The following IFT172 variants were observed in gnomAD, a reference collection of about 807,000 sequenced individuals.
IFT172 encodes the protein intraflagellar transport protein 172 homolog.
Under a neutral mutation model 248.9 loss-of-function variants are expected in IFT172, and 164 were observed. The observed-to-expected ratio is 0.66, with a 90% confidence interval of 0.58 to 0.75. The LOEUF is 0.75. Among genes scored for constraint, IFT172 ranks in the 30% least tolerant of loss-of-function variants. The pLI, the probability that IFT172 is intolerant of heterozygous loss-of-function variation, is 0.00. For missense variants in IFT172, 1,950 were observed against 2,192.4 expected (o/e 0.89, Z 2.21); for synonymous variants, 729 against 791.6 (o/e 0.92, Z 1.33).
At chr2:27,477,901 C>T in intron 11 of IFT172, 94 bp downstream of exon 11, 1 of 1,492,602 alleles carries the variant, frequency 6.7e-7, no homozygotes, top group South Asian at 1.3e-5. Flanking sequence ...GTTAGAACTT[C>T]TCATGGAGAG....
intron 3 of IFT172, 41 bp from the exon 4 acceptor site, chr2:27,484,307 C>T (rs767263931): frequency 6.2e-7 from 1 of 1,609,384 alleles, no homozygotes. Flanking sequence ...AAAACCACTT[C>T]CAGGCCGGGC....
At chr2:27,467,554 G>A (rs1667191616) in intron 16 of IFT172, among the ~76,000 whole-genome samples, 1 of 136,014 alleles carries the variant, frequency 7.4e-6, no homozygotes, top group East Asian at 2.2e-4. Context: ...TGAGGCTGCA[G>A]TGAGCCAAGA....
At position 27,480,009 on chromosome 2, in the gene IFT172, G is replaced by C. The variant is rs376213191; in HGVS notation, c.909+17C>G. 1 of 1,608,074 alleles carries C rather than the reference G, an allele frequency of 6.2e-7. No individual in the cohort carries two copies. Among genetic ancestry groups the C allele is most frequent in the South Asian group, 1.1e-5 (1 of 90,538 alleles). ...GGTGAAAGTCACCAATCCAGAAAGGGATTACTAGTAACACACCACACAGAG... is the reference window on the plus strand; with the variant it reads ...GGTGAAAGTCACCAATCCAGAAAGGCATTACTAGTAACACACCACACAGAG... On this transcript the variant is annotated intron_variant, in intron 9 of 47. Coordinates refer to ENST00000260570, the MANE Select transcript of IFT172 (RefSeq NM_015662.3).
rs572359503 is a variant in IFT172 at position 27,483,106 on chromosome 2, T to C, written c.570+183A>G. ...GCAGGCTCAACCTCCTGGGCTCAAG[T>C]GATCTTTCCACTTCGGCTTCCTGAG... On this transcript the variant is annotated intron_variant, in intron 7 of 47. Coordinates refer to ENST00000260570, the MANE Select transcript of IFT172 (RefSeq NM_015662.3). Among the ~76,000 whole-genome samples the C allele has an allele frequency of 1.0e-3, 156 of 150,550 alleles. 1 individual carries two copies. The highest frequency in any genetic ancestry group is 3.6e-3 in the African/African-American group (147 of 40,898).
rs1228106506 is a variant in IFT172 at position 27,457,847 on chromosome 2, C to G, written c.3105G>C (p.Leu1035=). The G allele has an allele frequency of 6.2e-7, 1 of 1,614,120 alleles. No homozygotes were observed. Among genetic ancestry groups the G allele is most frequent in the Admixed American group, 1.7e-5 (1 of 60,022 alleles). ...AGCCAGGAGAAGGGCTCACCTTGCC[C>G]AGATGTAGGTGTGTATCACTGAGGA... The part of the protein sequence containing the change: ...PDLLSDTHLH[L]GKELEAEGRL... The change falls in exon 28 of 48, where the codon CTG becomes CTC. Residue 1035 remains leucine (L), a synonymous_variant. Coordinates refer to ENST00000260570, the MANE Select transcript of IFT172 (RefSeq NM_015662.3).
chr2:27,453,576 T>C lies in IFT172; in HGVS notation c.3821+54A>G. On this transcript the variant is annotated intron_variant, in intron 34 of 47. Coordinates refer to ENST00000260570, the MANE Select transcript of IFT172 (RefSeq NM_015662.3). ...GGGGCAGCATGCTCTATCCTGTGTA[T>C]GCCTCATGACCCTCCCAGCCCTGCC... The C allele has an allele frequency of 7.5e-6, 12 of 1,609,058 alleles. No individual in the cohort carries two copies. In the South Asian group the frequency reaches 7.7e-5, roughly 10 times the overall value.
Position 27,444,527 on chromosome 2 carries a change from A to G in IFT172, c.5161-6T>C. 6.2e-7 allele frequency: 1 copy of G among 1,610,540 alleles called. No individual in the cohort carries two copies. Among genetic ancestry groups the G allele is most frequent in the Non-Finnish European group, 8.5e-7 (1 of 1,177,348 alleles). On this transcript the variant is annotated splice_region_variant and splice_polypyrimidine_tract_variant and intron_variant, in intron 47 of 47. Coordinates refer to ENST00000260570, the MANE Select transcript of IFT172 (RefSeq NM_015662.3). ...CACACTGGGCTGTGGGAGGTCTGTG[A>G]GCAAATGGAAGAACATGAGAGGAAC...
rs1217523253 is a variant in IFT172, at chr2:27,459,419, G to C, written c.2746C>G (p.Pro916Ala). The C allele has an allele frequency of 6.2e-7, 1 of 1,614,052 alleles. No homozygotes were observed. The highest frequency in any genetic ancestry group is 1.3e-5 in the African/African-American group (1 of 74,908). The change falls in exon 25 of 48, where the codon CCT (proline) becomes GCT (alanine). Residue 916 changes from proline (P) to alanine (A), a missense_variant. By Grantham distance (27) the Pro-to-Ala change is conservative. Transcript: ENST00000260570. ...GATGCATAGTGTTGGGCCACGAGAGGATAGTATTTGGATGCAGTGTTCCGG... is the reference window on the plus strand; with the variant it reads ...GATGCATAGTGTTGGGCCACGAGAGCATAGTATTTGGATGCAGTGTTCCGG... ...QDRNTASKYY[P>A]LVAQHYASLQ... is the part of the protein sequence containing the mutation.
intron 11 of IFT172, among the ~76,000 whole-genome samples, 185 bp from the exon 12 acceptor site, chr2:27,477,797 T>C (rs1447504522): frequency 1.3e-5 from 2 of 152,172 alleles, no homozygotes; most frequent in Admixed American, 6.5e-5. Flanking sequence ...TTCTGAGAGA[T>C]GGCATAAAAA....
chr2:27,459,045 C>T, intron 25 of IFT172, 177 bp from the exon 26 acceptor site: 1 of 701,166 alleles, frequency 1.4e-6, no homozygotes, highest in South Asian at 2.1e-5. Flanking sequence ...AAAAGAAAGA[C>T]CAGCCCCAAA....
At chr2:27,465,555 A>G in intron 17 of IFT172, 37 bp from the exon 18 acceptor site, 1 of 1,601,632 alleles carries the variant, frequency 6.2e-7, no homozygotes, top group Non-Finnish European at 8.6e-7. Flanking sequence ...ATGAATGAGG[A>G]ATGGGTTAGG....
In IFT172 at chr2:27,477,013, T is replaced by C. The variant is rs541958176; in HGVS notation, c.1325+204A>G. ...TAATTTTTTGTATTTTTAGTAGAGA[T>C]GGGGTTTCACCATGTTGCCCAGGCT... is the stretch of plus-strand genomic sequence containing the variant. On this transcript the variant is annotated intron_variant, in intron 13 of 47. Transcript: ENST00000260570. 34 of 614,930 alleles carry C rather than the reference T, an allele frequency of 5.5e-5. No individual in the cohort carries two copies. The South Asian group carries it at 6.5e-4, about 12-fold the overall frequency. The allele number at this position is 614,930 out of a possible 1,614,324, so 38.1% of individuals were successfully genotyped here. A position where few individuals can be genotyped will look rare whatever the true frequency, so the allele number is the denominator to read the frequency against.
At chr2:27,472,578 T>A (rs1184832851) in intron 14 of IFT172, among the ~76,000 whole-genome samples, 1 of 152,206 alleles carries the variant, frequency 6.6e-6, no homozygotes, top group Non-Finnish European at 1.5e-5. Context: ...AGACTAGAAC[T>A]ATTGAGCAAG....
chr2:27,455,584 A>G (rs1572743489), intron 30 of IFT172: 1 of 207,936 alleles, frequency 4.8e-6, no homozygotes, highest in Non-Finnish European at 9.6e-6. Flanking sequence ...GGTGGCGGGC[A>G]CCTGTAGTCC....
chr2:27,456,755 C>G, intron 29 of IFT172, 102 bp from the exon 30 acceptor site: 2 of 1,491,206 alleles, frequency 1.3e-6, no homozygotes, highest in South Asian at 1.3e-5. Context: ...CTAAATTGAA[C>G]AGGAAGAGGC....
intron 16 of IFT172, 111 bp from the exon 17 acceptor site, chr2:27,465,993 G>A (rs1251733410): frequency 2.4e-6 from 3 of 1,239,006 alleles, no homozygotes; most frequent in Non-Finnish European, 3.4e-6. Flanking sequence ...GAGAGTCACA[G>A]CGGCCCTGAT....
At chr2:27,464,752 G>C (rs1054370769) in intron 18 of IFT172, among the ~76,000 whole-genome samples, 4 of 151,960 alleles carry the variant, frequency 2.6e-5, no homozygotes, top group Admixed American at 2.0e-4. Flanking sequence ...TGAATAGCTG[G>C]GACCACAGGT....
intron 14 of IFT172, among the ~76,000 whole-genome samples, chr2:27,474,286 T>C (rs1315135185): frequency 1.3e-5 from 2 of 152,210 alleles, no homozygotes; most frequent in East Asian, 3.8e-4. Flanking sequence ...ATAATATTCA[T>C]GAAATGTGCA....
At position 27,461,512 on chromosome 2, in the gene IFT172, G is replaced by A. The variant is rs146482086; in HGVS notation, c.2199C>T (p.His733=). The A allele has an allele frequency of 1.9e-6, 3 of 1,613,860 alleles. No homozygotes were observed. Among genetic ancestry groups the A allele is most frequent in the East Asian group, 4.5e-5 (2 of 44,882 alleles). ...ECIAVAEAKG[H]PALEKLRRSY... Reference sequence around the variant, plus strand: ...TACGACGTAGCTTCTCCAGGGCTGGGTGCCCCTGGACATGCACAGAGGACA... The same window carrying A: ...TACGACGTAGCTTCTCCAGGGCTGGATGCCCCTGGACATGCACAGAGGACA... The change falls in exon 22 of 48, where the codon CAC becomes CAT. Residue 733 remains histidine (H), a synonymous_variant. Transcript: ENST00000260570.
Sources: gnomAD v4.1 joint callset for allele counts (sites outside exome capture counted in the v4.1 genomes callset) on GRCh38, gnomAD v4.1.1 for gene constraint, MANE v1.5 for transcripts, NCBI Gene and HGNC (gene_info 2026-07-23, HGNC 2026-07-21) for gene names.